The following DENND1A variants were observed in gnomAD, a reference collection of about 807,000 sequenced individuals.
DENND1A encodes DENN domain containing 1A.
DENND1A carries 51 observed loss-of-function variants against 113.7 expected under a neutral mutation model. The observed-to-expected ratio is 0.45, with a 90% CI of 0.36 to 0.57. DENND1A has a LOEUF of 0.57. Ranked by LOEUF, DENND1A falls within the 20% of genes least tolerant of loss-of-function variation. DENND1A has a pLI of 0.00. For missense variants in DENND1A, 1,258 were observed against 1,395.9 expected (o/e 0.90, Z 1.57); for synonymous variants, 565 against 570.8 (o/e 0.99, Z 0.14).
intron 13 of DENND1A, among the ~76,000 whole-genome samples, chr9:123,533,221 C>T (rs1053075347): frequency 6.6e-6 from 1 of 152,202 alleles, no homozygotes; most frequent in Non-Finnish European, 1.5e-5. Flanking sequence ...TAGCTCTGTG[C>T]CAAGCACATA....
chr9:123,922,657 T>C (rs568892144), intron 1 of DENND1A, among the ~76,000 whole-genome samples: 2 of 152,322 alleles, frequency 1.3e-5, no homozygotes, highest in Admixed American at 6.5e-5. Context: ...CTTCCTCTCC[T>C]GTAATCTTTA....
chr9:123,387,714 A>G lies in DENND1A; in HGVS notation c.1760+16T>C. 7.0e-6 allele frequency: 9 copies of G among 1,289,068 alleles called. No individual in the cohort carries two copies. Among genetic ancestry groups the G allele is most frequent in the Non-Finnish European group, 9.1e-6 (9 of 988,298 alleles). The allele number at this position is 1,289,068 out of a possible 1,614,324, so 79.9% of individuals were successfully genotyped here. On this transcript the variant is annotated intron_variant, in intron 22 of 23. Transcript: ENST00000394215. ...ACCAAGCCGAGCTCAGGGAAATGGA[A>G]GAAGGAAGGAGAGACCATTCAAAGG...
chr9:123,766,287 A>G (rs1020143556), intron 4 of DENND1A, among the ~76,000 whole-genome samples: 1 of 151,992 alleles, frequency 6.6e-6, no homozygotes, highest in Non-Finnish European at 1.5e-5. Flanking sequence ...TAACCTCACT[A>G]TCCTTTGGGT....
intron 2 of DENND1A, among the ~76,000 whole-genome samples, chr9:123,849,775 G>A (rs1345803017): frequency 6.6e-6 from 1 of 152,188 alleles, no homozygotes; most frequent in Non-Finnish European, 1.5e-5. Context: ...ATTGTGATTT[G>A]TGGGAGGTCA....
intron 1 of DENND1A, among the ~76,000 whole-genome samples, chr9:123,911,699 CTT>C (rs112974905): frequency 0.039 from 5,716 of 145,720 alleles, 107 homozygotes; most frequent in Middle Eastern, 0.049. Context: ...TTTTTTTTTT[CTT>C]TTTTTTTTTG....
At chr9:123,515,059 G>A (rs2053787763) in intron 13 of DENND1A, among the ~76,000 whole-genome samples, 1 of 152,222 alleles carries the variant, frequency 6.6e-6, no homozygotes, top group Non-Finnish European at 1.5e-5. Context: ...AAATGTAAAT[G>A]CCTTGGAAGA....
chr9:123,854,802 C>A (rs1402669671), intron 2 of DENND1A, among the ~76,000 whole-genome samples: 1 of 151,084 alleles, frequency 6.6e-6, no homozygotes, highest in African/African-American at 2.5e-5. Context: ...TCTCTCTCCT[C>A]TTCTGTCTCT....
chr9:123,740,731 G>A (rs1056495311), intron 5 of DENND1A, among the ~76,000 whole-genome samples: 3 of 152,090 alleles, frequency 2.0e-5, no homozygotes, highest in Non-Finnish European at 2.9e-5. Context: ...GATCAGATGA[G>A]ACAGGTTATA....
chr9:123,657,045 C>A (rs1342660317), intron 8 of DENND1A, among the ~76,000 whole-genome samples: 1 of 152,242 alleles, frequency 6.6e-6, no homozygotes, highest in African/African-American at 2.4e-5. Context: ...AGCTATCCCC[C>A]ACCCAGGCTG....
At chr9:123,918,283 TCGA>T (rs1460640354) in intron 1 of DENND1A, among the ~76,000 whole-genome samples, 1 of 149,576 alleles carries the variant, frequency 6.7e-6, no homozygotes, top group Non-Finnish European at 1.5e-5. Context: ...GGTCAGGAGA[TCGA>T]GACCATCCTG....
intron 1 of DENND1A, among the ~76,000 whole-genome samples, chr9:123,902,161 T>TCA (rs1232745098): frequency 3.1e-5 from 4 of 128,164 alleles, no homozygotes; most frequent in African/African-American, 1.3e-4. Context: ...TACTCATGGG[T>TCA]CACACACACA....
chr9:123,438,862 C>T (rs1217082589), intron 19 of DENND1A, among the ~76,000 whole-genome samples: 1 of 152,194 alleles, frequency 6.6e-6, no homozygotes, highest in Non-Finnish European at 1.5e-5. Context: ...AGGTCTTTCT[C>T]CATTTCAAAT....
intron 5 of DENND1A, among the ~76,000 whole-genome samples, chr9:123,734,953 C>T (rs188923431): frequency 1.3e-5 from 2 of 152,248 alleles, no homozygotes; most frequent in Admixed American, 1.3e-4. Context: ...ATTTGATCCT[C>T]GCTACAATCC....
chr9:123,795,353 T>C (rs1489692038), intron 2 of DENND1A, among the ~76,000 whole-genome samples: 1 of 152,212 alleles, frequency 6.6e-6, no homozygotes, highest in African/African-American at 2.4e-5. Context: ...TTTTTTCACA[T>C]TGAGTCAATC....
chr9:123,444,881 T>C (rs1308444705), intron 18 of DENND1A, among the ~76,000 whole-genome samples: 1 of 152,192 alleles, frequency 6.6e-6, no homozygotes, highest in Non-Finnish European at 1.5e-5. Context: ...TTAAACCTGC[T>C]TCTTCCCGAA....
intron 5 of DENND1A, among the ~76,000 whole-genome samples, chr9:123,738,886 AC>A (rs576709601): frequency 1.4e-4 from 21 of 152,334 alleles, no homozygotes; most frequent in African/African-American, 4.8e-4. Flanking sequence ...AAAAGTAAAT[AC>A]TATGGAAAAG....
intron 5 of DENND1A, among the ~76,000 whole-genome samples, chr9:123,698,624 T>C (rs2065674919): frequency 6.6e-6 from 1 of 152,242 alleles, no homozygotes; most frequent in African/African-American, 2.4e-5. Flanking sequence ...TCCTTCGTTT[T>C]ACAACATGAG....
At chr9:123,681,441 C>T (rs550188705) in intron 5 of DENND1A, among the ~76,000 whole-genome samples, 2 of 152,086 alleles carry the variant, frequency 1.3e-5, no homozygotes, top group South Asian at 4.2e-4. Context: ...GTAGCACATG[C>T]TACTGTAAAA....
At chr9:123,596,399 A>G (rs991483815) in intron 11 of DENND1A, among the ~76,000 whole-genome samples, 3 of 152,210 alleles carry the variant, frequency 2.0e-5, no homozygotes, top group Non-Finnish European at 2.9e-5. Flanking sequence ...TGAACATACC[A>G]TATTTTATAT....
Sources: gnomAD v4.1 joint callset for allele counts (sites outside exome capture counted in the v4.1 genomes callset) on GRCh38, gnomAD v4.1.1 for gene constraint, MANE v1.5 for transcripts, NCBI Gene and HGNC (gene_info 2026-07-23, HGNC 2026-07-21) for gene names.